The following VPS53 variants were observed in gnomAD, a reference collection of about 807,000 sequenced individuals.
VPS53 encodes vacuolar protein sorting-associated protein 53 homolog.
VPS53 carries 70 observed loss-of-function variants against 107.0 expected under a neutral mutation model. That is an observed-to-expected ratio of 0.65 (90% CI 0.54 to 0.80). The LOEUF (loss-of-function observed/expected upper bound fraction) is 0.80, where lower values mean the gene tolerates loss of function less well. Ranked by LOEUF, VPS53 falls within the 30% of genes least tolerant of loss-of-function variation. VPS53 has a pLI of 0.00. For missense variants in VPS53, 917 were observed against 1,049.4 expected (o/e 0.87, Z 1.74); for synonymous variants, 409 against 393.3 (o/e 1.04, Z -0.47).
chr17:548,696 C>T (rs1911525013), intron 17 of VPS53, among the ~76,000 whole-genome samples: 2 of 152,252 alleles, frequency 1.3e-5, no homozygotes, highest in South Asian at 4.1e-4. Context: ...GTATAGACTC[C>T]TTGAGGACAG....
At chr17:537,325 G>A (rs1273790596) in intron 17 of VPS53, 149 bp from the exon 18 acceptor site, 8 of 852,360 alleles carry the variant, frequency 9.4e-6, no homozygotes, top group Admixed American at 2.8e-5. Flanking sequence ...TTTCTTATTC[G>A]TTCTGTAGGG....
At chr17:672,581 G>A (rs1251426671) in intron 4 of VPS53, among the ~76,000 whole-genome samples, 1 of 152,196 alleles carries the variant, frequency 6.6e-6, no homozygotes, top group Non-Finnish European at 1.5e-5. Flanking sequence ...GGCAGACTCA[G>A]AAGAACGGCT....
intron 12 of VPS53, chr17:600,212 G>A (rs1968262825): frequency 6.6e-6 from 1 of 152,246 alleles, no homozygotes; most frequent in Non-Finnish European, 1.5e-5. Flanking sequence ...GAGATGACTA[G>A]CGAAAAGAAT....
intron 4 of VPS53, among the ~76,000 whole-genome samples, chr17:669,085 A>T (rs1257668487): frequency 6.6e-6 from 1 of 152,224 alleles, no homozygotes; most frequent in African/African-American, 2.4e-5. Context: ...TGGTGCTATC[A>T]GGCAAGTCCA....
chr17:683,214 A>G (rs1356317089), intron 4 of VPS53, among the ~76,000 whole-genome samples: 2 of 152,220 alleles, frequency 1.3e-5, no homozygotes, highest in African/African-American at 2.4e-5. Flanking sequence ...AGAGAACACA[A>G]CAGAAACATT....
chr17:658,422 C>T (rs1485648830), intron 5 of VPS53, among the ~76,000 whole-genome samples: 1 of 118,452 alleles, frequency 8.4e-6, no homozygotes, highest in Non-Finnish European at 1.8e-5. Context: ...GAAACTCGGC[C>T]GTGAGTTCGT....
chr17:544,153 C>T (rs933750782), intron 17 of VPS53, among the ~76,000 whole-genome samples: 5 of 152,094 alleles, frequency 3.3e-5, no homozygotes, highest in Non-Finnish European at 7.4e-5. Context: ...ACATCTTCTC[C>T]ACTGTAGAAA....
At chr17:688,620 G>A (rs964278372) in intron 4 of VPS53, among the ~76,000 whole-genome samples, 1 of 152,140 alleles carries the variant, frequency 6.6e-6, no homozygotes, top group Non-Finnish European at 1.5e-5. Flanking sequence ...TCTAGAAGCA[G>A]GCAAAATGAA....
chr17:676,206 C>A (rs1458413556), intron 4 of VPS53: 1 of 152,194 alleles, frequency 6.6e-6, no homozygotes, highest in African/African-American at 2.4e-5. Context: ...GGCACAACCA[C>A]AACGCTGAAT....
At chr17:555,116 C>T (rs926022615) in intron 15 of VPS53, among the ~76,000 whole-genome samples, 1 of 152,200 alleles carries the variant, frequency 6.6e-6, no homozygotes, top group Non-Finnish European at 1.5e-5. Context: ...GCAGCCTCTT[C>T]CTATGACACC....
chr17:601,688 A>C, intron 12 of VPS53, 107 bp downstream of exon 12: 1 of 786,426 alleles, frequency 1.3e-6, no homozygotes. Flanking sequence ...AACAGCTGTC[A>C]TCTCTGAACG....
At chr17:602,411 C>T (rs1013923272) in intron 11 of VPS53, among the ~76,000 whole-genome samples, 1 of 152,234 alleles carries the variant, frequency 6.6e-6, no homozygotes, top group Non-Finnish European at 1.5e-5. Context: ...GATTTCAACG[C>T]AAGAACAAAC....
intron 6 of VPS53, among the ~76,000 whole-genome samples, chr17:654,264 GT>G (rs1971084608): frequency 6.6e-6 from 1 of 152,048 alleles, no homozygotes; most frequent in African/African-American, 2.4e-5. Flanking sequence ...GTTCTAAGGC[GT>G]CTGTATCACA....
At chr17:713,409 T>C (rs1415111082) in intron 1 of VPS53, among the ~76,000 whole-genome samples, 3 of 152,130 alleles carry the variant, frequency 2.0e-5, no homozygotes, top group Non-Finnish European at 4.4e-5. Flanking sequence ...TCCCAGCACT[T>C]TGGGAGGCCG....
chr17:646,554 CCG>C lies in VPS53; in HGVS notation c.608+6735_608+6736del, dbSNP rs1202477425. On this transcript the variant is annotated intron_variant, in intron 7 of 21. Transcript: ENST00000437048. Reference sequence around the variant, plus strand: ...CTGGCTCCCACACACATCTCCGTGACCGCATGGCCACTGCCTCCTAAGGGTCT... The same window carrying C: ...CTGGCTCCCACACACATCTCCGTGACCATGGCCACTGCCTCCTAAGGGTCT... 4.1e-4 allele frequency among the ~76,000 whole-genome samples: 17 copies of C among 41,498 alleles called. 2 individuals are homozygous for C. The highest frequency in any genetic ancestry group is 6.1e-4 in the Non-Finnish European group (10 of 16,522). The allele number at this position is 41,498 out of a possible 152,430, so 27.2% of individuals were successfully genotyped here. A position where few individuals can be genotyped will look rare whatever the true frequency, so the allele number is the denominator to read the frequency against.
intron 19 of VPS53, among the ~76,000 whole-genome samples, chr17:525,730 T>G (rs2151798296): frequency 6.7e-6 from 1 of 148,720 alleles, no homozygotes; most frequent in East Asian, 2.0e-4. Flanking sequence ...AGGCGCGGTG[T>G]CTCATGCCTG....
intron 7 of VPS53, among the ~76,000 whole-genome samples, chr17:637,759 T>C (rs186285741): frequency 1.3e-5 from 2 of 152,242 alleles, no homozygotes; most frequent in South Asian, 4.1e-4. Context: ...AGCTCTAGTT[T>C]GATTGCACTG....
chr17:610,127 TCACACACACA>T (rs200106767), intron 11 of VPS53, among the ~76,000 whole-genome samples: 31,352 of 134,334 alleles, frequency 0.23, 3,812 homozygotes, highest in Non-Finnish European at 0.26. Flanking sequence ...TGAGACTCCG[TCACACACACA>T]CACACACACA....
In VPS53 at chr17:710,458, G is replaced by A. The variant is rs567476200; in HGVS notation, c.168+75C>T. On this transcript the variant is annotated intron_variant, in intron 2 of 21. Transcript: ENST00000437048. ...GTATCAAGGGCCCGTAGATGATCTA[G>A]TGTAACACACGAAGCATAACACCCA... The A allele has an allele frequency of 2.6e-6, 3 of 1,151,888 alleles. No homozygotes were observed. The African/African-American group carries it at 4.6e-5, about 18-fold the overall frequency. The allele number at this position is 1,151,888 out of a possible 1,614,324, so 71.4% of individuals were successfully genotyped here. A position where few individuals can be genotyped will look rare whatever the true frequency, so the allele number is the denominator to read the frequency against.
Sources: allele counts gnomAD v4.1 joint callset (sites outside exome capture counted in the v4.1 genomes callset), GRCh38; gene constraint gnomAD v4.1.1; transcripts MANE v1.5; gene names NCBI Gene and HGNC (gene_info 2026-07-23, HGNC 2026-07-21).